Variants in STARD13 observed in about 807,000 individuals in gnomAD.
STARD13 encodes the protein StAR related lipid transfer domain containing 13, also known as stAR-related lipid transfer protein 13.
A neutral mutation model predicts 106.4 loss-of-function variants in STARD13; 62 were observed. That is an observed-to-expected ratio of 0.58 (90% CI 0.48 to 0.72). The LOEUF is 0.72. Ranked by LOEUF, STARD13 falls within the 30% of genes least tolerant of loss-of-function variation. STARD13 has a pLI of 0.00. For synonymous variants in STARD13, 565 were observed against 553.0 expected, an observed-to-expected ratio of 1.02 and a Z score of -0.31; for missense variants, 1,387 against 1,424.0, an observed-to-expected ratio of 0.97 and a Z score of 0.42.
chr13:33,214,685 C>T (rs1887922304), intron 1 of STARD13, among the ~76,000 whole-genome samples: 1 of 125,766 alleles, frequency 8.0e-6, no homozygotes, highest in African/African-American at 3.3e-5. Flanking sequence ...CAGATACACA[C>T]ACACATGCAC....
At chr13:33,153,440 A>G (rs530716154) in intron 3 of STARD13, among the ~76,000 whole-genome samples, 30 of 152,306 alleles carry the variant, frequency 2.0e-4, no homozygotes, top group African/African-American at 5.8e-4. Context: ...CGGAGGGACC[A>G]GGAAGAAGGA....
intron 1 of STARD13, among the ~76,000 whole-genome samples, chr13:33,341,302 T>C (rs2077956326): frequency 6.6e-6 from 1 of 152,096 alleles, no homozygotes; most frequent in Admixed American, 6.5e-5. Context: ...AATGATCAAG[T>C]TGGTGGCTTA....
the STARD13 span, among the ~76,000 whole-genome samples, chr13:33,674,105 C>T: frequency 6.6e-6 from 1 of 152,154 alleles, no homozygotes; most frequent in East Asian, 1.9e-4. Context: ...GATGATCTGC[C>T]CACCTTGGCC....
At chr13:33,666,985 A>G in the STARD13 span, among the ~76,000 whole-genome samples, 2 of 152,266 alleles carry the variant, frequency 1.3e-5, no homozygotes, top group Non-Finnish European at 2.9e-5. Context: ...TGCTGTGAAG[A>G]CAGAATTTAC....
At chr13:33,614,270 C>CGTGTGTGGGTGTGT in the STARD13 span, among the ~76,000 whole-genome samples, 1 of 145,154 alleles carries the variant, frequency 6.9e-6, no homozygotes, top group African/African-American at 2.6e-5. Context: ...ATACATTCTC[C>CGTGTGTGGGTGTGT]GTGTGTGTGT....
chr13:33,483,534 T>G, the STARD13 span, among the ~76,000 whole-genome samples: 28 of 152,194 alleles, frequency 1.8e-4, no homozygotes, highest in Admixed American at 1.6e-3. Context: ...ATTTGTCTCA[T>G]CTGAGATTCT....
chr13:33,666,731 C>T, the STARD13 span, among the ~76,000 whole-genome samples: 1 of 152,166 alleles, frequency 6.6e-6, no homozygotes, highest in Non-Finnish European at 1.5e-5. Flanking sequence ...GCTGGGATTA[C>T]AGGCTCCCAC....
chr13:33,166,595 C>G (rs1279077123), intron 2 of STARD13, among the ~76,000 whole-genome samples: 1 of 152,214 alleles, frequency 6.6e-6, no homozygotes, highest in Middle Eastern at 3.4e-3. Context: ...TTGTTGGGGT[C>G]CTGACTAGTT....
chr13:33,193,649 A>AT (rs1886412583), intron 1 of STARD13, among the ~76,000 whole-genome samples: 1 of 152,186 alleles, frequency 6.6e-6, no homozygotes, highest in Non-Finnish European at 1.5e-5. Flanking sequence ...CAGAAGCCCA[A>AT]TGCCTCCCAC....
At chr13:33,113,386 G>T (rs1874901352) in intron 8 of STARD13, among the ~76,000 whole-genome samples, 1 of 152,116 alleles carries the variant, frequency 6.6e-6, no homozygotes, top group Non-Finnish European at 1.5e-5. Context: ...AAAACCACTG[G>T]GTTAGGGAAC....
At chr13:33,273,167 T>C (rs148829917) in intron 1 of STARD13, among the ~76,000 whole-genome samples, 2 of 152,328 alleles carry the variant, frequency 1.3e-5, no homozygotes, top group Admixed American at 1.3e-4. Flanking sequence ...TTTTCAGTTC[T>C]CTGAAAGATT....
the STARD13 span, among the ~76,000 whole-genome samples, chr13:33,414,623 G>T: frequency 6.6e-6 from 1 of 150,888 alleles, no homozygotes; most frequent in Non-Finnish European, 1.5e-5. Flanking sequence ...ATTAGTAGTT[G>T]CCAGAAGTTA....
rs913702522 is a variant in STARD13, at chr13:33,139,360, G to A, written c.387+2950C>T. On this transcript the variant is annotated intron_variant, in intron 4 of 13. Coordinates refer to ENST00000336934, the MANE Select transcript of STARD13 (RefSeq NM_178006.4). ...CCTTCAATTTATGCAACTGTGACAT[G>A]GAGTTAAGGACAAGGAATAGTGCCT... 8.5e-5 allele frequency among the ~76,000 whole-genome samples: 13 copies of A among 152,334 alleles called. No homozygotes were observed. In the East Asian group the frequency reaches 1.9e-3, roughly 23 times the overall value.
chr13:33,648,794 T>TTG, the STARD13 span, among the ~76,000 whole-genome samples: 1 of 143,190 alleles, frequency 7.0e-6, no homozygotes, highest in Non-Finnish European at 1.5e-5. Flanking sequence ...TTTTTTTTTT[T>TTG]TTTTTTTTTT....
At chr13:33,595,219 C>CT in the STARD13 span, among the ~76,000 whole-genome samples, 822 of 152,262 alleles carry the variant, frequency 5.4e-3, 5 homozygotes, top group African/African-American at 0.018. Flanking sequence ...AAGAGAGAAG[C>CT]TTACTTCATT....
intron 1 of STARD13, among the ~76,000 whole-genome samples, chr13:33,327,862 C>T (rs1034164948): frequency 3.9e-5 from 6 of 152,178 alleles, no homozygotes; most frequent in East Asian, 1.9e-4. Context: ...GGTGATTGAT[C>T]TTCAGGAATC....
the STARD13 span, among the ~76,000 whole-genome samples, chr13:33,452,496 C>T: frequency 6.6e-6 from 1 of 152,214 alleles, no homozygotes; most frequent in African/African-American, 2.4e-5. Context: ...CTTCTGTCCT[C>T]ATGCAAATGT....
intron 1 of STARD13, 126 bp from the exon 2 acceptor site, chr13:33,167,748 G>A: frequency 1.1e-6 from 1 of 900,522 alleles, no homozygotes; most frequent in Non-Finnish European, 1.8e-6. Flanking sequence ...TTCCAGGTAA[G>A]TCTGCATAAG....
the STARD13 span, among the ~76,000 whole-genome samples, chr13:33,561,386 A>T: frequency 6.6e-6 from 1 of 151,592 alleles, no homozygotes. Flanking sequence ...CAAATTGAAG[A>T]TGTTTTTCCC....
Sources: gnomAD v4.1 joint callset for allele counts (sites outside exome capture counted in the v4.1 genomes callset) on GRCh38, gnomAD v4.1.1 for gene constraint, MANE v1.5 for transcripts, NCBI Gene and HGNC (gene_info 2026-07-23, HGNC 2026-07-21) for gene names.